Variants in UBXN11 observed in about 807,000 individuals in gnomAD.
The protein encoded by UBXN11 is UBX domain-containing protein 11.
In UBXN11, 47 loss-of-function variants were observed where a neutral mutation model predicts 62.8. That is an observed-to-expected ratio of 0.75 (90% CI 0.59 to 0.95). The LOEUF (loss-of-function observed/expected upper bound fraction) is 0.95. UBXN11 is among the 40% of genes least tolerant of loss of function. The probability of loss-of-function intolerance (pLI) is 0.00; values close to 1 mark genes in which losing one functional copy is unlikely to be tolerated. For synonymous variants in UBXN11, 294 were observed against 267.0 expected (o/e 1.10, Z -0.99); for missense variants, 638 against 661.7 (o/e 0.96, Z 0.39).
At chr1:26,307,870 G>T (rs113425602), upstream of UBXN11, among the ~76,000 whole-genome samples, 2,481 of 151,972 alleles carry the variant, frequency 0.016, 71 homozygotes, top group African/African-American at 0.056. Flanking sequence ...CAAGCCATCC[G>T]CCCATCTCTG....
chr1:26,284,900 AC>A, intron 10 of UBXN11: 1 of 1,002,506 alleles, frequency 1.0e-6, no homozygotes, highest in Non-Finnish European at 1.2e-6. Context: ...TGCCTTAAAC[AC>A]CCCCGCGTCA....
chr1:26,298,013 C>G lies in UBXN11; in HGVS notation c.249G>C (p.Leu83Phe). The G allele has an allele frequency of 6.2e-7, 1 of 1,614,076 alleles. No homozygotes were observed. Among genetic ancestry groups the G allele is most frequent in the Non-Finnish European group, 8.5e-7 (1 of 1,180,000 alleles). Residue 83 changes from leucine to phenylalanine, a missense_variant, in exon 5 of 15, where the codon TTG (leucine) becomes TTC (phenylalanine). Transcript: ENST00000374222. ...SELMAFMTRKLWDLEQQVKAQ... is the reference protein window; with the variant it reads ...SELMAFMTRKFWDLEQQVKAQ... ...CCTTCACCTGCTGCTCCAGGTCCCA[C>G]AACTTCCTCGTCATGAAGGCCATCA...
chr1:26,286,820 T>A (rs1158525799), intron 8 of UBXN11, among the ~76,000 whole-genome samples: 1 of 143,812 alleles, frequency 7.0e-6, no homozygotes, highest in Non-Finnish European at 1.6e-5. Flanking sequence ...TATCTCAGCC[T>A]CCTGAGTAGC....
chr1:26,282,380 ACTGGGGCCGGGACCGGGACCGGGAC>A lies in UBXN11; in HGVS notation c.1457_1481del (p.Cys486PhefsTer?), dbSNP rs772509501. Reference sequence around the variant, plus strand: ...GACTGGGGCCGGGACCGGGACCGGGACTGGGGCCGGGACCGGGACCGGGACAGGGACCAGGACTGAATTTCAGGCT... The same window carrying A: ...GACTGGGGCCGGGACCGGGACCGGGAAGGGACCAGGACTGAATTTCAGGCT... On this transcript the variant is annotated frameshift_variant, in exon 15 of 15. Transcript: ENST00000374222. LOFTEE classifies it low-confidence loss of function (END_TRUNC). 1.8e-6 allele frequency: 1 copy of A among 543,888 alleles called. No homozygotes were observed. The highest frequency in any genetic ancestry group is 2.5e-6 in the Non-Finnish European group (1 of 404,404). 33.7% of individuals were successfully genotyped at this position (543,888 alleles called of 1,614,324 possible).
intron 7 of UBXN11, among the ~76,000 whole-genome samples, chr1:26,296,398 G>A (rs7541333): frequency 0.69 from 104,249 of 152,122 alleles, 36,280 homozygotes; most frequent in Non-Finnish European, 0.75. Flanking sequence ...GAGAAAGCTC[G>A]GGATGGAAAA....
chr1:26,284,924 T>C, intron 10 of UBXN11: 1 of 1,001,974 alleles, frequency 1.0e-6, no homozygotes, highest in African/African-American at 1.7e-5. Flanking sequence ...ACTCATGCTG[T>C]TTCCTGAGCC....
At chr1:26,295,978 C>T (rs1490908828) in intron 7 of UBXN11, among the ~76,000 whole-genome samples, 9 of 152,238 alleles carry the variant, frequency 5.9e-5, no homozygotes, top group Admixed American at 2.0e-4. Context: ...GGCCACTGCT[C>T]GGGGACAACC....
intron 8 of UBXN11, among the ~76,000 whole-genome samples, chr1:26,291,124 C>G (rs1004481857): frequency 1.3e-5 from 2 of 152,154 alleles, no homozygotes; most frequent in African/African-American, 2.4e-5. Flanking sequence ...ACAGACGGCC[C>G]TGGCTCACCC....
intron 8 of UBXN11, among the ~76,000 whole-genome samples, chr1:26,287,244 G>A (rs897738070): frequency 1.3e-5 from 2 of 152,162 alleles, no homozygotes; most frequent in African/African-American, 4.8e-5. Context: ...ACCTTAGGTT[G>A]TGCAACTATT....
chr1:26,311,244 A>C (rs2073741726), upstream of UBXN11, among the ~76,000 whole-genome samples: 2 of 150,944 alleles, frequency 1.3e-5, no homozygotes, highest in South Asian at 4.2e-4. Context: ...GGTTCAAGCG[A>C]TTCTCTGCCT....
In UBXN11 at chr1:26,282,673, A is replaced by C. The variant is rs1452384120; in HGVS notation, c.1268T>G (p.Val423Gly). ...MMQPDNTIGD[V>G]RALLAQARVM... ...CCTGGCCTGCGCTAGCAGAGCTCGC[A>C]CGTCCCCAATGGTGTTGTCAGGCTG... is the stretch of plus-strand genomic sequence containing the variant. The change falls in exon 14 of 15, where the codon GTG becomes GGG. Residue 423 changes from valine (V) to glycine (G), a missense_variant. Val to Gly is a moderately radical substitution (Grantham distance 109). Transcript: ENST00000374222. 6.2e-7 allele frequency: 1 copy of C among 1,614,012 alleles called. No individual in the cohort carries two copies. The highest frequency in any genetic ancestry group is 8.5e-7 in the Non-Finnish European group (1 of 1,180,040).
chr1:26,283,554 C>A (rs771356473), intron 12 of UBXN11, among the ~76,000 whole-genome samples: 2 of 152,092 alleles, frequency 1.3e-5, no homozygotes, highest in South Asian at 4.2e-4. Context: ...GGATGGTCAG[C>A]AGGGGCAGGA....
At chr1:26,309,382 G>A (rs542447582), upstream of UBXN11, among the ~76,000 whole-genome samples, 17 of 151,646 alleles carry the variant, frequency 1.1e-4, no homozygotes, top group Admixed American at 3.9e-4. Flanking sequence ...TGGGATTACA[G>A]GCAAGTGCCA....
intron 8 of UBXN11, among the ~76,000 whole-genome samples, chr1:26,288,105 C>T (rs2073173895): frequency 6.6e-6 from 1 of 152,102 alleles, no homozygotes; most frequent in Non-Finnish European, 1.5e-5. Context: ...TGGGGTCTCG[C>T]TGTGTTACCA....
chr1:26,285,683 A>C, intron 9 of UBXN11, 140 bp downstream of exon 9: 2 of 1,363,688 alleles, frequency 1.5e-6, no homozygotes, highest in Non-Finnish European at 2.0e-6. Context: ...GCCTTGGGAG[A>C]GGGGCCTCTG....
chr1:26,290,345 C>T (rs1286784726), intron 8 of UBXN11, among the ~76,000 whole-genome samples: 1 of 152,210 alleles, frequency 6.6e-6, no homozygotes, highest in Non-Finnish European at 1.5e-5. Context: ...CAGCGATCTG[C>T]TGATCTGGGG....
chr1:26,285,841 G>A lies in UBXN11; in HGVS notation c.756C>T (p.Phe252=), dbSNP rs1432437650. ...CTCCTACCTGTGTGGAGGGATCGTA[G>A]AAGGGCTGGAAGGGCCCGTCGAACA... ...IMMFDGPFQP[F]YDPSTQRCLR... The change falls in exon 9 of 15, where the codon TTC becomes TTT. Residue 252 remains phenylalanine (F), a synonymous_variant. Transcript: ENST00000374222. 1 of 1,607,918 alleles carries A rather than the reference G, an allele frequency of 6.2e-7. No individual in the cohort carries two copies. Among genetic ancestry groups the A allele is most frequent in the East Asian group, 2.2e-5 (1 of 44,684 alleles).
intron 3 of UBXN11, among the ~76,000 whole-genome samples, 198 bp from the exon 4 acceptor site, chr1:26,301,222 GA>G (rs954517493): frequency 4.6e-5 from 7 of 152,234 alleles, no homozygotes; most frequent in African/African-American, 1.4e-4. Flanking sequence ...CTCCCAGGGG[GA>G]CTGGCATGGC....
chr1:26,303,314 A>G (rs2073583585), intron 1 of UBXN11: 1 of 156,314 alleles, frequency 6.4e-6, no homozygotes, highest in African/African-American at 2.4e-5. Context: ...CCCTCCCACC[A>G]GAAACCAGGT....
Sources: allele counts gnomAD v4.1 joint callset (sites outside exome capture counted in the v4.1 genomes callset), GRCh38; gene constraint gnomAD v4.1.1; transcripts MANE v1.5; gene names NCBI Gene and HGNC (gene_info 2026-07-23, HGNC 2026-07-21).